The following EDA variants were observed in gnomAD, a reference collection of about 807,000 sequenced individuals.
EDA encodes the protein ectodysplasin A, also known as ectodysplasin-A.
Under a neutral mutation model 23.6 loss-of-function variants are expected in EDA, and 2 were observed. The observed-to-expected ratio is 0.08, with a 90% CI of 0.03 to 0.27. EDA has a LOEUF of 0.27. EDA is among the 10% of genes least tolerant of loss of function. The probability of loss-of-function intolerance (pLI) is 1.00; values close to 1 mark genes in which losing one functional copy is unlikely to be tolerated. For synonymous variants in EDA, 131 were observed against 132.0 expected, an observed-to-expected ratio of 0.99 and a Z score of 0.05; for missense variants, 229 against 324.2, an observed-to-expected ratio of 0.71 and a Z score of 2.26.
chrX:70,023,172 C>T (rs927545018), intron 2 of EDA, 46 bp from the exon 3 acceptor site: 1 of 894,348 alleles, frequency 1.1e-6, no homozygotes, highest in Non-Finnish European at 1.6e-6. Context: ...TAAACATTTT[C>T]TGTTCATTTC....
chrX:69,799,608 C>T (rs2015627699), intron 1 of EDA, among the ~76,000 whole-genome samples: 1 of 108,277 alleles, frequency 9.2e-6, no homozygotes, highest in East Asian at 2.9e-4. Flanking sequence ...TGAAAAAATG[C>T]TCAACTTCTA....
At chrX:69,810,057 C>T (rs1385445975) in intron 1 of EDA, among the ~76,000 whole-genome samples, 6 of 105,790 alleles carry the variant, frequency 5.7e-5, no homozygotes, top group African/African-American at 1.4e-4. Flanking sequence ...GTCAGGAGTT[C>T]GAGACCAGCC....
intron 3 of EDA, among the ~76,000 whole-genome samples, chrX:70,027,418 G>C (rs2020122033): frequency 1.8e-5 from 2 of 111,927 alleles, no homozygotes; most frequent in Non-Finnish European, 3.8e-5. Flanking sequence ...AGACAGAGAT[G>C]TGTGATAAAG....
chrX:69,650,819 G>C (rs1194179296), intron 1 of EDA, among the ~76,000 whole-genome samples: 1 of 111,417 alleles, frequency 9.0e-6, no homozygotes, highest in Non-Finnish European at 1.9e-5. Flanking sequence ...AGGTTTTGCT[G>C]AGTAGGTAGC....
chrX:69,687,079 C>T (rs140545975), intron 1 of EDA, among the ~76,000 whole-genome samples: 167 of 111,818 alleles, frequency 1.5e-3, no homozygotes, highest in African/African-American at 5.2e-3. Flanking sequence ...TCATCCTTGT[C>T]TACACTTGTT....
intron 2 of EDA, among the ~76,000 whole-genome samples, chrX:70,005,307 T>C (rs999383200): frequency 6.3e-5 from 7 of 111,783 alleles, no homozygotes; most frequent in African/African-American, 2.3e-4. Flanking sequence ...TTAGCATGAC[T>C]GTGATTCAAT....
intron 1 of EDA, among the ~76,000 whole-genome samples, chrX:69,956,599 C>A (rs958008668): frequency 9.0e-6 from 1 of 111,052 alleles, no homozygotes; most frequent in Non-Finnish European, 1.9e-5. Context: ...CCACCTCGGC[C>A]TCCCAAAGTG....
chrX:69,949,016 T>C (rs1473943822), intron 1 of EDA, among the ~76,000 whole-genome samples: 2 of 112,097 alleles, frequency 1.8e-5, no homozygotes, highest in Admixed American at 1.9e-4. Flanking sequence ...TTTTCTTGAA[T>C]GTTTCAGGGC....
intron 1 of EDA, among the ~76,000 whole-genome samples, chrX:69,624,443 G>A (rs998502843): frequency 9.0e-6 from 1 of 110,817 alleles, no homozygotes; most frequent in African/African-American, 3.3e-5. Flanking sequence ...CCTTTCTCCT[G>A]GTTAGTTTTG....
intron 1 of EDA, among the ~76,000 whole-genome samples, chrX:69,624,029 T>C (rs1391729885): frequency 9.0e-6 from 1 of 111,282 alleles, no homozygotes; most frequent in Non-Finnish European, 1.9e-5. Flanking sequence ...TTATCTCACC[T>C]CTTATACCAA....
chrX:69,628,898 A>C (rs1313973348), intron 1 of EDA, among the ~76,000 whole-genome samples: 6 of 111,187 alleles, frequency 5.4e-5, no homozygotes, highest in African/African-American at 2.0e-4. Flanking sequence ...GCCTCCCAAC[A>C]ATGAAAATCT....
chrX:69,982,289 T>G (rs900946914), intron 2 of EDA, among the ~76,000 whole-genome samples: 2 of 111,465 alleles, frequency 1.8e-5, no homozygotes, highest in Non-Finnish European at 3.8e-5. Flanking sequence ...TGTCAAATCT[T>G]GTTTTAGGCA....
chrX:69,724,867 G>A (rs989604410), intron 1 of EDA, among the ~76,000 whole-genome samples: 2 of 111,987 alleles, frequency 1.8e-5, no homozygotes, highest in African/African-American at 6.5e-5. Flanking sequence ...CTTGCTGCTT[G>A]TTGAACTTTC....
chrX:69,716,164 T>C (rs2012324919), intron 1 of EDA, among the ~76,000 whole-genome samples: 1 of 112,085 alleles, frequency 8.9e-6, no homozygotes, highest in Admixed American at 9.5e-5. Flanking sequence ...CTGAGTGGTA[T>C]TGCCTAGATT....
chrX:69,801,787 T>G (rs1161424842), intron 1 of EDA, among the ~76,000 whole-genome samples: 1 of 111,832 alleles, frequency 8.9e-6, no homozygotes, highest in African/African-American at 3.2e-5. Flanking sequence ...AAATACAAGT[T>G]AATACCACCA....
At chrX:69,827,772 C>T (rs1176271781) in intron 1 of EDA, among the ~76,000 whole-genome samples, 8 of 111,781 alleles carry the variant, frequency 7.2e-5, no homozygotes, top group African/African-American at 9.8e-5. Flanking sequence ...GGAGGAGAGG[C>T]GCTCTGCTTT....
intron 1 of EDA, chrX:69,742,888 T>C (rs1379918526): frequency 9.0e-6 from 1 of 111,508 alleles, no homozygotes; most frequent in Non-Finnish European, 1.9e-5. Flanking sequence ...ATGATATTTT[T>C]TATGGCTTTC....
At chrX:69,815,221 G>A (rs762695874) in intron 1 of EDA, among the ~76,000 whole-genome samples, 1 of 112,298 alleles carries the variant, frequency 8.9e-6, no homozygotes, top group Non-Finnish European at 1.9e-5. Context: ...CCAGCCTGCC[G>A]GCTTTGGAGA....
At chrX:69,717,801 G>A (rs2012406595) in intron 1 of EDA, among the ~76,000 whole-genome samples, 1 of 111,398 alleles carries the variant, frequency 9.0e-6, no homozygotes, top group East Asian at 2.8e-4. Flanking sequence ...TTACAGGTGT[G>A]AGCCACCATG....
Sources: gnomAD v4.1 joint callset for allele counts (sites outside exome capture counted in the v4.1 genomes callset) on GRCh38, gnomAD v4.1.1 for gene constraint, MANE v1.5 for transcripts, NCBI Gene and HGNC (gene_info 2026-07-23, HGNC 2026-07-21) for gene names.